CDH18: variants seen among roughly 807,000 people sequenced by gnomAD.
CDH18 encodes cadherin 18, also known as cadherin-18.
Under a neutral mutation model 67.9 loss-of-function variants are expected in CDH18, and 31 were observed. The observed-to-expected ratio is 0.46, with a 90% confidence interval of 0.34 to 0.62. The LOEUF (loss-of-function observed/expected upper bound fraction) is 0.62, where lower values mean the gene tolerates loss of function less well. Among genes scored for constraint, CDH18 ranks in the 20% least tolerant of loss-of-function variants. The pLI, the probability that CDH18 is intolerant of heterozygous loss-of-function variation, is 0.01. For synonymous variants in CDH18, 362 were observed against 347.2 expected (o/e 1.04, Z -0.48); for missense variants, 890 against 975.5 (o/e 0.91, Z 1.17).
At chr5:19,720,779 A>G (rs1051139539) in intron 5 of CDH18, among the ~76,000 whole-genome samples, 6 of 152,194 alleles carry the variant, frequency 3.9e-5, no homozygotes, top group African/African-American at 1.2e-4. Context: ...TGTCTTTGAC[A>G]TTATTTTAAT....
At chr5:19,742,785 GGA>G (rs1220166149) in intron 4 of CDH18, among the ~76,000 whole-genome samples, 2 of 151,668 alleles carry the variant, frequency 1.3e-5, no homozygotes, top group Non-Finnish European at 2.9e-5. Context: ...ATAAATATAA[GGA>G]GAGAGATTGT....
chr5:20,088,364 G>A (rs985395396), intron 2 of CDH18, among the ~76,000 whole-genome samples: 2 of 152,196 alleles, frequency 1.3e-5, no homozygotes, highest in Non-Finnish European at 2.9e-5. Context: ...CTAGTAATAA[G>A]TTTCGGAATG....
intron 1 of CDH18, among the ~76,000 whole-genome samples, chr5:20,341,112 T>C (rs1740220177): frequency 6.6e-6 from 1 of 152,176 alleles, no homozygotes; most frequent in Non-Finnish European, 1.5e-5. Flanking sequence ...CCAGAGGCAA[T>C]ATCCCCTTGT....
chr5:19,585,099 A>T (rs1743952393), intron 7 of CDH18, among the ~76,000 whole-genome samples: 3 of 152,166 alleles, frequency 2.0e-5, no homozygotes, highest in African/African-American at 7.2e-5. Context: ...AATTGAAACG[A>T]TTCTGATCTT....
At chr5:19,800,793 A>AG (rs1368203388) in intron 3 of CDH18, among the ~76,000 whole-genome samples, 1 of 152,180 alleles carries the variant, frequency 6.6e-6, no homozygotes, top group Non-Finnish European at 1.5e-5. Flanking sequence ...AGAAAATGGT[A>AG]GGAAAAAAAA....
At chr5:20,179,927 T>A (rs749747692) in intron 2 of CDH18, among the ~76,000 whole-genome samples, 1 of 151,996 alleles carries the variant, frequency 6.6e-6, no homozygotes, top group Non-Finnish European at 1.5e-5. Flanking sequence ...GAGGGAAAAG[T>A]CACTAGAAGC....
In CDH18 at chr5:20,385,627, C is replaced by A. The variant is rs903785558; in HGVS notation, c.-579-130122G>T. 2.6e-5 allele frequency among the ~76,000 whole-genome samples: 4 copies of A among 152,110 alleles called. No individual in the cohort carries two copies. In the South Asian group the frequency reaches 8.3e-4, roughly 31 times the overall value. ...TAAACTTTTGACTTACACACAATCA[C>A]CTCATCAAACTAGTGATGTATGAAA... On this transcript the variant is annotated intron_variant, in intron 1 of 14. Coordinates refer to the CDH18 transcript ENST00000507958.
Position 20,215,014 on chromosome 5 carries a change from A to C in CDH18, c.-518+40430T>G, listed in dbSNP as rs557796419. 2.6e-5 allele frequency among the ~76,000 whole-genome samples: 4 copies of C among 152,164 alleles called. No individual in the cohort carries two copies. In the East Asian group the frequency reaches 7.7e-4, roughly 29 times the overall value. On this transcript the variant is annotated intron_variant, in intron 2 of 14. Transcript: ENST00000507958. Reference sequence around the variant, plus strand: ...TTTACAATAAAAAAAGACCTCATTAAAAAGTTGGCAAAGGACATGAACGGA... The same window carrying C: ...TTTACAATAAAAAAAGACCTCATTACAAAGTTGGCAAAGGACATGAACGGA...
At chr5:20,207,605 T>C (rs11738280) in intron 2 of CDH18, among the ~76,000 whole-genome samples, 23,041 of 151,932 alleles carry the variant, frequency 0.15, 2,660 homozygotes, top group African/African-American at 0.33. Flanking sequence ...AACAACCAGA[T>C]ATTGTGAGAC....
intron 2 of CDH18, among the ~76,000 whole-genome samples, chr5:20,243,032 T>C (rs1051721901): frequency 6.6e-6 from 1 of 152,160 alleles, no homozygotes; most frequent in African/African-American, 2.4e-5. Flanking sequence ...ATGAAAGTAT[T>C]GGGCAAGTAA....
chr5:20,083,298 T>C (rs184716237), intron 2 of CDH18, among the ~76,000 whole-genome samples: 240 of 152,312 alleles, frequency 1.6e-3, no homozygotes, highest in Non-Finnish European at 1.7e-3. Context: ...AAAGTAAGAC[T>C]CTTATAGGTC....
At chr5:19,689,379 G>C (rs1278763776) in intron 5 of CDH18, among the ~76,000 whole-genome samples, 1 of 151,546 alleles carries the variant, frequency 6.6e-6, no homozygotes, top group Non-Finnish European at 1.5e-5. Context: ...ATATTCAAAG[G>C]GCTAAAAGAA....
rs146022951 is a variant in CDH18 at position 20,354,918 on chromosome 5, A to G, written c.-579-99413T>C. ...GATATCTACAACCCTTCTGCATGAA[A>G]GGTATGCTTCCAATAATTGCTCCAA... On this transcript the variant is annotated intron_variant, in intron 1 of 14. Coordinates refer to the CDH18 transcript ENST00000507958. Among the ~76,000 whole-genome samples the G allele has an allele frequency of 1.1e-3, 174 of 152,274 alleles. 1 individual carries two copies. The East Asian group carries it at 0.03, about 26-fold the overall frequency.
At chr5:20,142,130 C>CTT (rs1479301922) in intron 2 of CDH18, among the ~76,000 whole-genome samples, 1 of 151,944 alleles carries the variant, frequency 6.6e-6, no homozygotes, top group African/African-American at 2.4e-5. Context: ...GATTTGTGGT[C>CTT]TCATCAAAAG....
In CDH18 at chr5:19,473,491, G is replaced by A; in HGVS notation, c.2108C>T (p.Thr703Ile). The change falls in exon 13 of 13, where the codon ACA becomes ATA. Residue 703 changes from threonine (T) to isoleucine (I), a missense_variant. Around this residue, in one of 2 missense-constraint regions of CDH18, gnomAD observed 656 missense variants for 668.1 expected, o/e 0.98. Transcript: ENST00000382275. ...ATCTATGCTTTCCAGGGTGGATGAT[G>A]TCTGGTGTCTGGGAGTGAGCTTCAC... ...PEVKLTPRHQ[T>I]SSTLESIDVQ... The A allele has an allele frequency of 1.2e-6, 2 of 1,613,754 alleles. No homozygotes were observed. Among genetic ancestry groups the A allele is most frequent in the East Asian group, 2.2e-5 (1 of 44,864 alleles).
At chr5:19,848,828 G>C (rs1783313494) in intron 2 of CDH18, among the ~76,000 whole-genome samples, 1 of 150,092 alleles carries the variant, frequency 6.7e-6, no homozygotes, top group Non-Finnish European at 1.5e-5. Flanking sequence ...TATATATATA[G>C]ATGATAGCAT....
chr5:19,917,947 G>C (rs1579585961), intron 2 of CDH18, among the ~76,000 whole-genome samples: 1 of 152,168 alleles, frequency 6.6e-6, no homozygotes, highest in East Asian at 1.9e-4. Flanking sequence ...TAAATCCCTG[G>C]GTAGCTGAAG....
At chr5:20,407,237 C>T (rs535537660) in intron 1 of CDH18, among the ~76,000 whole-genome samples, 1 of 152,206 alleles carries the variant, frequency 6.6e-6, no homozygotes, top group South Asian at 2.1e-4. Flanking sequence ...GACCACACAA[C>T]CAATGTTTCA....
intron 1 of CDH18, among the ~76,000 whole-genome samples, chr5:20,261,937 A>G (rs1041556287): frequency 4.6e-5 from 7 of 152,096 alleles, no homozygotes; most frequent in Admixed American, 6.5e-5. Flanking sequence ...ACTGCTTTGT[A>G]AATAAGGATT....
Sources: allele counts gnomAD v4.1 joint callset (sites outside exome capture counted in the v4.1 genomes callset), GRCh38; gene constraint gnomAD v4.1.1; regional missense constraint gnomAD v4.1.1; transcripts MANE v1.5; gene names NCBI Gene and HGNC (gene_info 2026-07-23, HGNC 2026-07-21).